The following CERS4 variants were observed in gnomAD, a reference collection of about 807,000 sequenced individuals.
CERS4 encodes the protein ceramide synthase 4.
CERS4 carries 65 observed loss-of-function variants against 51.8 expected under a neutral mutation model. The ratio of observed to expected loss-of-function variants is 1.26; its 90% CI spans 1.03 to 1.54. The LOEUF is 1.54. Ranked by LOEUF, CERS4 falls within the 40% of genes most tolerant of loss-of-function variation. CERS4 has a pLI of 0.00. For missense variants in CERS4, 563 were observed against 500.4 expected, an observed-to-expected ratio of 1.13 and a Z score of -1.19; for synonymous variants, 228 against 208.4, an observed-to-expected ratio of 1.09 and a Z score of -0.81.
rs565678177 is a variant in CERS4 at position 8,254,401 on chromosome 19, C to T, written c.174-98C>T. ...CTCTGAGCCTGTAACTTTGCCCCTC[C>T]GAGACTTGGTTATCCCACCGGCAGC... On this transcript the variant is annotated intron_variant, in intron 3 of 11. Coordinates refer to ENST00000251363, the MANE Select transcript of CERS4 (RefSeq NM_024552.3). 7.2e-5 allele frequency: 79 copies of T among 1,101,058 alleles called. No homozygotes were observed. The Middle Eastern group carries it at 8.3e-4, about 12-fold the overall frequency. 68.2% of individuals were successfully genotyped at this position (1,101,058 alleles called of 1,614,324 possible).
chr19:8,240,114 C>T (rs1968461993), intron 2 of CERS4, among the ~76,000 whole-genome samples: 1 of 152,046 alleles, frequency 6.6e-6, no homozygotes, highest in East Asian at 1.9e-4. Flanking sequence ...CACAGTCAGA[C>T]ATGTATGTGA....
intron 2 of CERS4, among the ~76,000 whole-genome samples, chr19:8,211,362 G>A (rs894480338): frequency 1.3e-5 from 2 of 152,096 alleles, no homozygotes; most frequent in Non-Finnish European, 2.9e-5. Flanking sequence ...CTCCCTTTCC[G>A]ACTGGCTGGG....
At chr19:8,219,462 C>T (rs899205) in intron 2 of CERS4, among the ~76,000 whole-genome samples, 116,259 of 152,172 alleles carry the variant, frequency 0.76, 45,021 homozygotes, top group African/African-American at 0.84. Flanking sequence ...GCCAGGAGTT[C>T]GAGACAAGCC....
intron 3 of CERS4, among the ~76,000 whole-genome samples, chr19:8,251,800 T>TAAAA (rs111723071): frequency 6.9e-6 from 1 of 144,074 alleles, no homozygotes; most frequent in African/African-American, 2.6e-5. Flanking sequence ...CAAGACTCCA[T>TAAAA]AAAAAAAAAA....
chr19:8,256,397 A>G, intron 7 of CERS4, 111 bp downstream of exon 7: 2 of 1,259,930 alleles, frequency 1.6e-6, no homozygotes, highest in Admixed American at 2.0e-5. Context: ...TTCCCCACTG[A>G]GTCCCACGCT....
At chr19:8,236,080 C>T (rs1238374969) in intron 2 of CERS4, among the ~76,000 whole-genome samples, 1 of 152,034 alleles carries the variant, frequency 6.6e-6, no homozygotes, top group African/African-American at 2.4e-5. Flanking sequence ...CCTGTAGTCC[C>T]AGCTACTCCG....
intron 3 of CERS4, among the ~76,000 whole-genome samples, chr19:8,253,346 C>T (rs1044498360): frequency 6.6e-6 from 1 of 151,934 alleles, no homozygotes; most frequent in African/African-American, 2.4e-5. Flanking sequence ...GTGAGACAGG[C>T]AGTGAAGAGA....
At chr19:8,245,126 A>ACAAAAAAAAACAAAACAAAACAAAC in intron 2 of CERS4, among the ~76,000 whole-genome samples, 1 of 148,230 alleles carries the variant, frequency 6.7e-6, no homozygotes, top group Non-Finnish European at 1.5e-5. Context: ...AAAAAAAAAA[A>ACAAAAAAAAACAAAACAAAACAAAC]AAAAAAAAAC....
intron 10 of CERS4, among the ~76,000 whole-genome samples, chr19:8,259,584 C>A (rs1969572030): frequency 6.6e-6 from 1 of 151,878 alleles, no homozygotes; most frequent in Admixed American, 6.6e-5. Context: ...AGTGAGGGGA[C>A]CCAGGGTAGG....
At position 8,256,761 on chromosome 19, in the gene CERS4, G is replaced by A. The variant is rs1031947573; in HGVS notation, c.612+51G>A. 6.9e-6 allele frequency: 11 copies of A among 1,588,054 alleles called. No homozygotes were observed. The Middle Eastern group carries it at 5.1e-4, about 73-fold the overall frequency. On this transcript the variant is annotated intron_variant, in intron 8 of 11. Transcript: ENST00000251363. Reference sequence around the variant, plus strand: ...ACCCAGTCTCTGGCCGGGATGCTGGGGTGCTGGGGGGTAGGGCAGCCTTAC... The same window carrying A: ...ACCCAGTCTCTGGCCGGGATGCTGGAGTGCTGGGGGGTAGGGCAGCCTTAC...
At chr19:8,236,865 C>T (rs538445726) in intron 2 of CERS4, among the ~76,000 whole-genome samples, 6 of 151,208 alleles carry the variant, frequency 4.0e-5, no homozygotes, top group East Asian at 3.9e-4. Context: ...AGCCAGGCAT[C>T]GTGGCATGGA....
In CERS4 at chr19:8,245,998, T is replaced by C. The variant is rs146137183; in HGVS notation, c.-1-5078T>C. 8.5e-4 allele frequency among the ~76,000 whole-genome samples: 125 copies of C among 146,506 alleles called. No individual in the cohort carries two copies. In the East Asian group the frequency reaches 0.021, roughly 24 times the overall value. ...AATTTGGGAGGCTGAGTGGGGAGGA[T>C]TGCTTGAGCCCAGGAGGTCAAGTGT... is the stretch of plus-strand genomic sequence containing the variant. On this transcript the variant is annotated intron_variant, in intron 2 of 11. Transcript: ENST00000251363.
chr19:8,254,322 C>CCAAAA (rs1555779245), intron 3 of CERS4, among the ~76,000 whole-genome samples, 177 bp from the exon 4 acceptor site: 1 of 38,772 alleles, frequency 2.6e-5, no homozygotes, highest in African/African-American at 7.9e-5. Context: ...TACTCTGTCT[C>CCAAAA]AAAAAAAAAA....
At chr19:8,253,471 T>TTG (rs986848070) in intron 3 of CERS4, among the ~76,000 whole-genome samples, 1 of 137,074 alleles carries the variant, frequency 7.3e-6, no homozygotes, top group African/African-American at 2.6e-5. Context: ...TTTTTTTTTT[T>TTG]GGGGAGACAG....
chr19:8,212,448 A>T lies in CERS4; in HGVS notation c.-2+1586A>T, dbSNP rs111371686. Among the ~76,000 whole-genome samples, 263 of 152,214 alleles carry T rather than the reference A, an allele frequency of 1.7e-3. 3 individuals carry two copies. The highest frequency in any genetic ancestry group is 5.5e-3 in the African/African-American group (230 of 41,546). ...GAAATTGCCATGCTGCTAGACACCC[A>T]GGTGGTACGGCGTAGGATGGGCTTT... is the stretch of plus-strand genomic sequence containing the variant. On this transcript the variant is annotated intron_variant, in intron 2 of 11. Transcript: ENST00000251363.
intron 2 of CERS4, among the ~76,000 whole-genome samples, chr19:8,221,879 T>TTTG (rs1217484055): frequency 1.1e-5 from 1 of 92,232 alleles, no homozygotes; most frequent in Admixed American, 1.1e-4. Context: ...TATGTTTTTT[T>TTTG]TTTTTTTTTT....
intron 2 of CERS4, among the ~76,000 whole-genome samples, chr19:8,238,326 C>T (rs1233363684): frequency 6.6e-6 from 1 of 151,952 alleles, no homozygotes. Flanking sequence ...CTCTGCCTAG[C>T]ATAGGAAGAG....
chr19:8,257,144 G>A (rs913182973), intron 9 of CERS4, 67 bp downstream of exon 9: 4 of 1,494,286 alleles, frequency 2.7e-6, no homozygotes, highest in African/African-American at 2.8e-5. Flanking sequence ...CCCCAGAGAT[G>A]AGGTCCCATT....
At chr19:8,243,194 TAAAAAAAAAAAAAA>T (rs56754017) in intron 2 of CERS4, among the ~76,000 whole-genome samples, 7 of 59,866 alleles carry the variant, frequency 1.2e-4, no homozygotes, top group African/African-American at 1.4e-4. Flanking sequence ...ACCCTGTCTC[TAAAAAAAAAAAAAA>T]AAAAAAAAAA....
Sources: gnomAD v4.1 joint callset for allele counts (sites outside exome capture counted in the v4.1 genomes callset) on GRCh38, gnomAD v4.1.1 for gene constraint, MANE v1.5 for transcripts, NCBI Gene and HGNC (gene_info 2026-07-23, HGNC 2026-07-21) for gene names.